RAB8A: variants seen among roughly 807,000 people sequenced by gnomAD.
RAB8A encodes the protein RAB8A, member RAS oncogene family, also known as ras-related protein Rab-8A.
Under a neutral mutation model 29.2 loss-of-function variants are expected in RAB8A, and 5 were observed. The ratio of observed to expected loss-of-function variants is 0.17; its 90% CI spans 0.09 to 0.36. The LOEUF (loss-of-function observed/expected upper bound fraction) is 0.36. Ranked by LOEUF, RAB8A falls within the 10% of genes least tolerant of loss-of-function variation. RAB8A has a pLI of 1.00. For synonymous variants in RAB8A, 108 were observed against 99.9 expected (o/e 1.08, Z -0.49); for missense variants, 171 against 272.2 (o/e 0.63, Z 2.62).
chr19:16,118,158 G>T (rs1241621629), intron 1 of RAB8A, 68 bp from the exon 2 acceptor site: 1 of 1,430,808 alleles, frequency 7.0e-7, no homozygotes, highest in Non-Finnish European at 9.7e-7. Context: ...CAGGTTGGTG[G>T]CGCCCAGCTC....
In RAB8A at chr19:16,114,930, C is replaced by G. The variant is rs980705374; in HGVS notation, c.124+2905C>G. Among the ~76,000 whole-genome samples, 3 of 151,712 alleles carry G rather than the reference C, an allele frequency of 2.0e-5. No homozygotes were observed. The Admixed American group carries it at 2.0e-4, about 10-fold the overall frequency. ...CTTAGGCCTCATAAAGTTTACACTTCCTAATTAAATTTGGCATGTTAATAA... is the reference window on the plus strand; with the variant it reads ...CTTAGGCCTCATAAAGTTTACACTTGCTAATTAAATTTGGCATGTTAATAA... On this transcript the variant is annotated intron_variant, in intron 1 of 7. Coordinates refer to ENST00000300935, the MANE Select transcript of RAB8A (RefSeq NM_005370.5).
At chr19:16,120,586 C>T in intron 2 of RAB8A, among the ~76,000 whole-genome samples, 1 of 149,266 alleles carries the variant, frequency 6.7e-6, no homozygotes. Context: ...GCTGAGATTA[C>T]GGGAGTGAGC....
intron 3 of RAB8A, among the ~76,000 whole-genome samples, chr19:16,123,152 C>T (rs1391166532): frequency 6.6e-6 from 1 of 152,198 alleles, no homozygotes; most frequent in Non-Finnish European, 1.5e-5. Flanking sequence ...CTGAAGTTCA[C>T]TCAGCAGGTA....
chr19:16,127,346 G>A lies in RAB8A; in HGVS notation c.325-91G>A, dbSNP rs1568321723. On this transcript the variant is annotated intron_variant, in intron 4 of 7. Transcript: ENST00000300935. The surrounding 1 kb of genome is among the most constrained non-coding windows in gnomAD (Gnocchi z 4.8). ...TGTACCTAGCAGTCCTGACCCCACC[G>A]CTCTGATTTCTGGGGACAGACTGTG... 13 of 827,974 alleles carry A rather than the reference G, an allele frequency of 1.6e-5. No individual in the cohort carries two copies. The highest frequency in any genetic ancestry group is 2.5e-4 in the Middle Eastern group (1 of 3,998). 51.3% of individuals were successfully genotyped at this position (827,974 alleles called of 1,614,324 possible). A position where few individuals can be genotyped will look rare whatever the true frequency, so the allele number is the denominator to read the frequency against.
chr19:16,117,770 A>G (rs1408406700), intron 1 of RAB8A, among the ~76,000 whole-genome samples: 1 of 152,228 alleles, frequency 6.6e-6, no homozygotes, highest in Non-Finnish European at 1.5e-5. Flanking sequence ...CCACCCGCAG[A>G]AAATGAATAG....
intron 2 of RAB8A, among the ~76,000 whole-genome samples, chr19:16,118,805 C>G (rs1316107681): frequency 6.6e-6 from 1 of 152,204 alleles, no homozygotes; most frequent in East Asian, 1.9e-4. Flanking sequence ...GGGCCGGGCC[C>G]CATGTTGAGA....
chr19:16,126,338 C>T (rs553754821), intron 4 of RAB8A: 465 of 153,030 alleles, frequency 3.0e-3, no homozygotes, highest in Non-Finnish European at 5.0e-3. Context: ...GGGCTGCACC[C>T]CAGCTGGGAA....
chr19:16,121,894 A>G (rs919039404), intron 3 of RAB8A, 84 bp downstream of exon 3: 33 of 1,381,636 alleles, frequency 2.4e-5, no homozygotes, highest in Non-Finnish European at 3.2e-5. Context: ...CGAAGCCTAG[A>G]TGTTTCTGTG....
rs1432909833 is a variant in RAB8A at position 16,122,812 on chromosome 19, G to A, written c.246+1002G>A. 6.6e-6 allele frequency among the ~76,000 whole-genome samples: 1 copy of A among 152,176 alleles called. No homozygotes were observed. Among genetic ancestry groups the A allele is most frequent in the Non-Finnish European group, 1.5e-5 (1 of 68,028 alleles). On this transcript the variant is annotated intron_variant, in intron 3 of 7. Coordinates refer to ENST00000300935, the MANE Select transcript of RAB8A (RefSeq NM_005370.5). The surrounding 1 kb of genome is among the most constrained non-coding windows in gnomAD (Gnocchi z 4.7). ...CACTCGTGTGGGCTGCAGCCTTAGT[G>A]TGCCTCAGTAAAATTAATGTATTTC...
chr19:16,127,595 G>C lies in RAB8A; in HGVS notation c.414+69G>C. Reference sequence around the variant, plus strand: ...GGTTCTTGTGCAGAGGCCTTCCCCTGTCCCTCCTCTGCCCCAGGGGCCTGA... The same window carrying C: ...GGTTCTTGTGCAGAGGCCTTCCCCTCTCCCTCCTCTGCCCCAGGGGCCTGA... On this transcript the variant is annotated intron_variant, in intron 5 of 7. Coordinates refer to ENST00000300935, the MANE Select transcript of RAB8A (RefSeq NM_005370.5). This position sits in a 1 kb window ranked among gnomAD's most constrained non-coding sequence, Gnocchi z 4.8. 3 of 1,239,234 alleles carry C rather than the reference G, an allele frequency of 2.4e-6. No individual in the cohort carries two copies. The highest frequency in any genetic ancestry group is 3.3e-6 in the Non-Finnish European group (3 of 910,878). The allele number at this position is 1,239,234 out of a possible 1,614,324, so 76.8% of individuals were successfully genotyped here.
rs751027770 is a variant in RAB8A, at chr19:16,111,994, C to G, written c.93C>G (p.Asp31Glu). 6.2e-7 allele frequency: 1 copy of G among 1,614,036 alleles called. No homozygotes were observed. The highest frequency in any genetic ancestry group is 8.5e-7 in the Non-Finnish European group (1 of 1,179,886). The change falls in exon 1 of 8, where the codon GAC (aspartate) becomes GAG (glutamate). Residue 31 changes from aspartate (D) to glutamate (E), a missense_variant. By Grantham distance (45) the Asp-to-Glu change is conservative (BLOSUM62 2). Coordinates refer to ENST00000300935, the MANE Select transcript of RAB8A (RefSeq NM_005370.5). ...KTCVLFRFSE[D>E]AFNSTFISTI... ...GTGTCCTGTTCCGCTTCTCCGAGGA[C>G]GCCTTCAACTCCACTTTTATCTCCA... is the stretch of plus-strand genomic sequence containing the variant.
intron 7 of RAB8A, among the ~76,000 whole-genome samples, chr19:16,130,153 C>CTT (rs75161148): frequency 2.1e-4 from 31 of 147,476 alleles, no homozygotes; most frequent in South Asian, 4.2e-4. Flanking sequence ...TCGTTTCTTG[C>CTT]TTTTTTTTTT....
chr19:16,119,549 A>G (rs1309354799), intron 2 of RAB8A, among the ~76,000 whole-genome samples: 1 of 152,022 alleles, frequency 6.6e-6, no homozygotes, highest in Non-Finnish European at 1.5e-5. Flanking sequence ...GGGTAGGTTT[A>G]ACTTGCAGTT....
intron 1 of RAB8A, among the ~76,000 whole-genome samples, chr19:16,113,144 G>A (rs932654008): frequency 4.6e-5 from 7 of 152,238 alleles, no homozygotes; most frequent in Non-Finnish European, 1.0e-4. Context: ...CACAAAAGCA[G>A]TCCTGGCCCA....
At position 16,121,885 on chromosome 19, in the gene RAB8A, G is replaced by A. The variant is rs557957256; in HGVS notation, c.246+75G>A. The A allele has an allele frequency of 2.6e-4, 372 of 1,421,644 alleles. No individual in the cohort carries two copies. In the African/African-American group the frequency reaches 3.9e-3, roughly 15 times the overall value. 88.1% of individuals were successfully genotyped at this position (1,421,644 alleles called of 1,614,324 possible). On this transcript the variant is annotated intron_variant, in intron 3 of 7. Transcript: ENST00000300935. ...GGAGCGTCACTGTGCATTGGTTACC[G>A]AAGCCTAGATGTTTCTGTGGAGCCC...
chr19:16,111,935 C>T lies in RAB8A; in HGVS notation c.34C>T (p.Leu12=), dbSNP rs369783770. 334 of 1,613,936 alleles carry T rather than the reference C, an allele frequency of 2.1e-4. 1 individual carries two copies. Among genetic ancestry groups the T allele is most frequent in the South Asian group, 4.6e-4 (42 of 91,088 alleles). ...AKTYDYLFKL[L]LIGDSGVGKT... ...GACCTACGATTACCTGTTCAAGCTG[C>T]TGCTGATCGGGGACTCGGGGGTGGG... Residue 12 remains leucine (L), a synonymous_variant, in exon 1 of 8, where the codon CTG becomes TTG. Transcript: ENST00000300935.
chr19:16,111,967 C>T lies in RAB8A; in HGVS notation c.66C>T (p.Thr22=). 6.2e-7 allele frequency: 1 copy of T among 1,614,066 alleles called. No homozygotes were observed. The highest frequency in any genetic ancestry group is 1.1e-5 in the South Asian group (1 of 91,086). The part of the protein sequence containing the change: ...LLIGDSGVGK[T]CVLFRFSEDA... ...TCGGGGACTCGGGGGTGGGGAAGACCTGTGTCCTGTTCCGCTTCTCCGAGG... is the reference window on the plus strand; with the variant it reads ...TCGGGGACTCGGGGGTGGGGAAGACTTGTGTCCTGTTCCGCTTCTCCGAGG... Residue 22 remains threonine, a synonymous_variant, in exon 1 of 8, where the codon ACC becomes ACT. Coordinates refer to ENST00000300935, the MANE Select transcript of RAB8A (RefSeq NM_005370.5).
In RAB8A at chr19:16,123,591, A is replaced by G. The variant is rs2090884366; in HGVS notation, c.246+1781A>G. 2.0e-5 allele frequency: 3 copies of G among 152,210 alleles called. No individual in the cohort carries two copies. The South Asian group carries it at 6.2e-4, about 32-fold the overall frequency. 9.4% of individuals were successfully genotyped at this position (152,210 alleles called of 1,614,324 possible). A position where few individuals can be genotyped will look rare whatever the true frequency, so the allele number is the denominator to read the frequency against. ...CACTGCACTCCAGTCTGGGCAGCAG[A>G]GCAAGTATCCGTCGCTTAACTACTT... On this transcript the variant is annotated intron_variant, in intron 3 of 7. Transcript: ENST00000300935.
In RAB8A at chr19:16,119,456, C is replaced by G. The variant is rs1261247288; in HGVS notation, c.185+1170C>G. On this transcript the variant is annotated intron_variant, in intron 2 of 7. Coordinates refer to ENST00000300935, the MANE Select transcript of RAB8A (RefSeq NM_005370.5). Reference sequence around the variant, plus strand: ...CCGACCTCAGGTGACCCACCCACCTCGGCCTCCCAAAGTGCTGGGATTATA... The same window carrying G: ...CCGACCTCAGGTGACCCACCCACCTGGGCCTCCCAAAGTGCTGGGATTATA... 3.3e-5 allele frequency among the ~76,000 whole-genome samples: 5 copies of G among 152,310 alleles called. No individual in the cohort carries two copies. In the South Asian group the frequency reaches 1.0e-3, roughly 32 times the overall value.
Sources: allele counts gnomAD v4.1 joint callset (sites outside exome capture counted in the v4.1 genomes callset), GRCh38; gene constraint gnomAD v4.1.1; non-coding constraint Gnocchi (gnomAD v3.1); transcripts MANE v1.5; gene names NCBI Gene and HGNC (gene_info 2026-07-23, HGNC 2026-07-21).